The following HIBADH variants were observed in gnomAD, a reference collection of about 807,000 sequenced individuals.
The protein encoded by HIBADH is 3-hydroxyisobutyrate dehydrogenase, mitochondrial.
Under a neutral mutation model 36.1 loss-of-function variants are expected in HIBADH, and 25 were observed. The ratio of observed to expected loss-of-function variants is 0.69; its 90% CI spans 0.50 to 0.97. The LOEUF is 0.97. Ranked by LOEUF, HIBADH falls within the 50% of genes least tolerant of loss-of-function variation. HIBADH has a pLI of 0.00. For missense variants in HIBADH, 421 were observed against 418.0 expected (o/e 1.01, Z -0.06); for synonymous variants, 160 against 149.5 (o/e 1.07, Z -0.51).
At chr7:27,653,532 GA>G (rs1786238850) in intron 1 of HIBADH, among the ~76,000 whole-genome samples, 2 of 152,088 alleles carry the variant, frequency 1.3e-5, no homozygotes, top group African/African-American at 4.8e-5. Context: ...TCAGGAGATC[GA>G]GACCATCGTG....
chr7:27,526,396 C>T (rs764171420), intron 7 of HIBADH, 24 bp from the exon 8 acceptor site: 4 of 1,586,670 alleles, frequency 2.5e-6, no homozygotes, highest in African/African-American at 2.7e-5. Context: ...GAGGAGAGAA[C>T]ACGCTGAGAC....
intron 4 of HIBADH, among the ~76,000 whole-genome samples, chr7:27,548,021 T>C (rs147242309): frequency 8.9e-4 from 136 of 152,178 alleles, no homozygotes; most frequent in Non-Finnish European, 1.6e-3. Context: ...TTTGTACAAA[T>C]AAATGAAAAA....
intron 4 of HIBADH, among the ~76,000 whole-genome samples, chr7:27,586,548 C>T (rs1285371986): frequency 6.6e-6 from 1 of 151,706 alleles, no homozygotes; most frequent in Non-Finnish European, 1.5e-5. Flanking sequence ...GCAATCAATA[C>T]TCTAAAAGCA....
At chr7:27,541,797 A>G in intron 5 of HIBADH, 1 of 406,306 alleles carries the variant, frequency 2.5e-6, no homozygotes, top group South Asian at 1.8e-5. Flanking sequence ...CAAGAGATCA[A>G]TTTTTACTAT....
intron 1 of HIBADH, among the ~76,000 whole-genome samples, chr7:27,649,881 A>G (rs1331898698): frequency 6.6e-6 from 1 of 151,676 alleles, no homozygotes; most frequent in African/African-American, 2.4e-5. Flanking sequence ...ATAAATAATA[A>G]TATTTATTAA....
chr7:27,646,737 C>T (rs1249564777), intron 2 of HIBADH, among the ~76,000 whole-genome samples: 1 of 127,060 alleles, frequency 7.9e-6, no homozygotes, highest in Non-Finnish European at 1.6e-5. Context: ...CCTCTGTCAT[C>T]CAGGCTGGAC....
intron 4 of HIBADH, 78 bp from the exon 5 acceptor site, chr7:27,543,178 G>T: frequency 6.8e-7 from 1 of 1,478,944 alleles, no homozygotes; most frequent in East Asian, 2.4e-5. Flanking sequence ...TAAAATTAGA[G>T]AAACCAACTA....
At chr7:27,579,575 A>T (rs536507495) in intron 4 of HIBADH, among the ~76,000 whole-genome samples, 2 of 152,370 alleles carry the variant, frequency 1.3e-5, no homozygotes, top group African/African-American at 4.8e-5. Context: ...AAATTTCTAT[A>T]AACTGAATAC....
chr7:27,530,404 A>G (rs1388471427), intron 7 of HIBADH, among the ~76,000 whole-genome samples: 4 of 152,056 alleles, frequency 2.6e-5, no homozygotes, highest in Non-Finnish European at 5.9e-5. Flanking sequence ...ACTGGGTTTC[A>G]CCATGTTAGC....
At chr7:27,656,281 CAA>C (rs1786302290) in intron 1 of HIBADH, among the ~76,000 whole-genome samples, 1 of 152,064 alleles carries the variant, frequency 6.6e-6, no homozygotes. Context: ...CTGAACAACA[CAA>C]AGATATAGTT....
At chr7:27,657,338 G>A (rs1438773695) in intron 1 of HIBADH, among the ~76,000 whole-genome samples, 2 of 152,112 alleles carry the variant, frequency 1.3e-5, no homozygotes, top group African/African-American at 4.8e-5. Flanking sequence ...TATGAAATGA[G>A]GAAACAAGAA....
intron 4 of HIBADH, among the ~76,000 whole-genome samples, chr7:27,580,726 A>G (rs1027461089): frequency 2.0e-5 from 3 of 152,236 alleles, no homozygotes; most frequent in African/African-American, 7.2e-5. Flanking sequence ...GAATACAGCA[A>G]TGAGCAAGAG....
At chr7:27,580,625 A>G (rs2128287376) in intron 4 of HIBADH, among the ~76,000 whole-genome samples, 1 of 152,304 alleles carries the variant, frequency 6.6e-6, no homozygotes, top group South Asian at 2.1e-4. Flanking sequence ...TACCAGAAAG[A>G]TTCATTTGTT....
chr7:27,543,152 A>G, intron 4 of HIBADH, 52 bp from the exon 5 acceptor site: 1 of 1,589,290 alleles, frequency 6.3e-7, no homozygotes, highest in Non-Finnish European at 8.6e-7. Flanking sequence ...ATTTCTTAAA[A>G]TGTTTAGGCA....
chr7:27,594,597 GT>G (rs1237120011), intron 4 of HIBADH, among the ~76,000 whole-genome samples: 3 of 152,142 alleles, frequency 2.0e-5, no homozygotes, highest in Non-Finnish European at 4.4e-5. Flanking sequence ...TATTAACAAT[GT>G]TTTGGGAGGA....
intron 4 of HIBADH, among the ~76,000 whole-genome samples, chr7:27,608,355 A>G (rs1000721644): frequency 3.3e-5 from 5 of 152,230 alleles, no homozygotes; most frequent in Admixed American, 1.3e-4. Context: ...GATGACTACT[A>G]TGAAATTTGC....
At chr7:27,599,680 C>CAAAA (rs3072889) in intron 4 of HIBADH, among the ~76,000 whole-genome samples, 524 of 40,874 alleles carry the variant, frequency 0.013, 29 homozygotes, top group African/African-American at 0.043. Context: ...ACTCTGTCTC[C>CAAAA]AAAAAAAAAA....
intron 1 of HIBADH, among the ~76,000 whole-genome samples, chr7:27,655,059 T>C (rs1440173475): frequency 6.6e-6 from 1 of 152,208 alleles, no homozygotes; most frequent in Non-Finnish European, 1.5e-5. Context: ...ATACTTTATG[T>C]ACAACTTATC....
intron 5 of HIBADH, among the ~76,000 whole-genome samples, chr7:27,541,068 T>C (rs1784142994): frequency 6.6e-6 from 1 of 152,020 alleles, no homozygotes; most frequent in Non-Finnish European, 1.5e-5. Flanking sequence ...AGTTAGCCTA[T>C]CCTTTCCTGC....
Sources: allele counts gnomAD v4.1 joint callset (sites outside exome capture counted in the v4.1 genomes callset), GRCh38; gene constraint gnomAD v4.1.1; transcripts MANE v1.5; gene names NCBI Gene and HGNC (gene_info 2026-07-23, HGNC 2026-07-21).